ZC3H15: variants seen among roughly 807,000 people sequenced by gnomAD.
ZC3H15 encodes the protein zinc finger CCCH-type containing 15.
A neutral mutation model predicts 51.2 loss-of-function variants in ZC3H15; 15 were observed. The ratio of observed to expected loss-of-function variants is 0.29; its 90% CI spans 0.20 to 0.45. The LOEUF (loss-of-function observed/expected upper bound fraction) is 0.45. ZC3H15 is among the 20% of genes least tolerant of loss of function. The pLI is 1.00. For synonymous variants in ZC3H15, 144 were observed against 162.8 expected (o/e 0.88, Z 0.88); for missense variants, 381 against 494.7 (o/e 0.77, Z 2.18).
chr2:186,503,763 T>A lies in ZC3H15; in HGVS notation c.535-269T>A, dbSNP rs1574426876. Among the ~76,000 whole-genome samples the A allele has an allele frequency of 3.3e-5, 5 of 152,360 alleles. 1 individual carries two copies. The highest frequency in any genetic ancestry group is 3.3e-4 in the Admixed American group (5 of 15,302). ...GGGTAACTGAAACAAGTAAGTCATTTTCGTATGATTTAGAATTTAGAACAA... is the reference window on the plus strand; with the variant it reads ...GGGTAACTGAAACAAGTAAGTCATTATCGTATGATTTAGAATTTAGAACAA... On this transcript the variant is annotated intron_variant, in intron 5 of 9. Coordinates refer to ENST00000337859, the MANE Select transcript of ZC3H15 (RefSeq NM_018471.3).
chr2:186,495,283 T>G lies in ZC3H15; in HGVS notation c.126T>G (p.Phe42Leu). ...AGAAAGGAGCAAAGCAACAGAAGTT[T>G]ATCAAGGCTGTCACACATCAAGTTA... ...KNKKGAKQQK[F>L]IKAVTHQVKF... Residue 42 changes from phenylalanine (F) to leucine (L), a missense_variant, in exon 2 of 10, where the codon TTT becomes TTG. Around this residue, in one of 3 missense-constraint regions of ZC3H15, gnomAD observed 125 missense variants for 166.3 expected, o/e 0.75. Transcript: ENST00000337859. The G allele has an allele frequency of 6.4e-7, 1 of 1,558,128 alleles. No individual in the cohort carries two copies. Among genetic ancestry groups the G allele is most frequent in the South Asian group, 1.3e-5 (1 of 79,422 alleles).
In ZC3H15 at chr2:186,509,018, T is replaced by C. The variant is rs531226184; in HGVS notation, c.*285T>C. On this transcript the variant is annotated 3_prime_UTR_variant, in exon 10 of 10. Coordinates refer to ENST00000337859, the MANE Select transcript of ZC3H15 (RefSeq NM_018471.3). ...ACCCAAGTAAGAAGTGTATCTGCCT[T>C]TCCATCTTTTGGTTTTCATTTGGGC... is the stretch of plus-strand genomic sequence containing the variant. The C allele has an allele frequency of 1.9e-6, 1 of 526,382 alleles. No individual in the cohort carries two copies. Among genetic ancestry groups the C allele is most frequent in the Non-Finnish European group, 3.7e-6 (1 of 273,746 alleles). 32.6% of individuals were successfully genotyped at this position (526,382 alleles called of 1,614,324 possible).
chr2:186,506,790 T>C lies in ZC3H15; in HGVS notation c.1044T>C (p.Thr348=), dbSNP rs1267735929. 6 of 1,613,728 alleles carry C rather than the reference T, an allele frequency of 3.7e-6. No individual in the cohort carries two copies. The highest frequency in any genetic ancestry group is 5.1e-6 in the Non-Finnish European group (6 of 1,179,896). Residue 348 remains threonine, a synonymous_variant, in exon 9 of 10, where the codon ACT becomes ACC. Coordinates refer to ENST00000337859, the MANE Select transcript of ZC3H15 (RefSeq NM_018471.3). The part of the protein sequence containing the change: ...IPRDVDETGI[T]VASLERFSTY... Reference sequence around the variant, plus strand: ...GAGATGTAGATGAAACAGGTATTACTGTAGCCAGTCTTGAAAGATTCAGCA... The same window carrying C: ...GAGATGTAGATGAAACAGGTATTACCGTAGCCAGTCTTGAAAGATTCAGCA...
At chr2:186,505,429 A>C in intron 6 of ZC3H15, 22 bp from the exon 7 acceptor site, 17 of 1,515,340 alleles carry the variant, frequency 1.1e-5, no homozygotes, top group Non-Finnish European at 1.5e-5. Flanking sequence ...GTGGAAAAAA[A>C]ATTAATTCTT....
At chr2:186,492,674 C>T (rs1420786929) in intron 1 of ZC3H15, among the ~76,000 whole-genome samples, 2 of 152,142 alleles carry the variant, frequency 1.3e-5, no homozygotes, top group Non-Finnish European at 2.9e-5. Context: ...TTGCTGTAAA[C>T]ATTATGTCAT....
chr2:186,488,118 A>C (rs1685134682), intron 1 of ZC3H15, among the ~76,000 whole-genome samples: 1 of 152,126 alleles, frequency 6.6e-6, no homozygotes, highest in Admixed American at 6.5e-5. Flanking sequence ...CAAAGTGGTG[A>C]AATTAAGCCC....
chr2:186,505,279 C>T (rs990454455), intron 6 of ZC3H15, 172 bp from the exon 7 acceptor site: 5 of 528,208 alleles, frequency 9.5e-6, no homozygotes, highest in African/African-American at 2.0e-5. Context: ...TCTCTGGATA[C>T]TCATTTTGCT....
intron 1 of ZC3H15, among the ~76,000 whole-genome samples, chr2:186,494,759 G>A (rs1022560841): frequency 1.3e-5 from 2 of 152,046 alleles, no homozygotes; most frequent in Admixed American, 1.3e-4. Context: ...TCATAGGTGG[G>A]AATCGAACAA....
chr2:186,496,538 C>T (rs1217184441), intron 2 of ZC3H15, among the ~76,000 whole-genome samples: 1 of 152,212 alleles, frequency 6.6e-6, no homozygotes, highest in Non-Finnish European at 1.5e-5. Context: ...GCTGCTTACA[C>T]CAGCATCATT....
At chr2:186,505,706 T>C in intron 7 of ZC3H15, 34 bp from the exon 8 acceptor site, 2 of 1,607,286 alleles carry the variant, frequency 1.2e-6, no homozygotes, top group Non-Finnish European at 1.7e-6. Context: ...TTTAGATTTT[T>C]GTCCTGAGTT....
At chr2:186,506,218 TA>T in intron 8 of ZC3H15, 1 of 334,470 alleles carries the variant, frequency 3.0e-6, no homozygotes, top group South Asian at 2.7e-5. Flanking sequence ...TGCACTAATT[TA>T]AAACTGCAGT....
At chr2:186,492,463 A>G (rs1685215776) in intron 1 of ZC3H15, among the ~76,000 whole-genome samples, 1 of 152,228 alleles carries the variant, frequency 6.6e-6, no homozygotes, top group Non-Finnish European at 1.5e-5. Flanking sequence ...TAGAAAATTC[A>G]TGTAGAATTT....
chr2:186,491,584 A>G (rs1000154487), intron 1 of ZC3H15, among the ~76,000 whole-genome samples: 12 of 152,120 alleles, frequency 7.9e-5, no homozygotes, highest in African/African-American at 2.9e-4. Context: ...CTCACTTTAC[A>G]AATAAGAAAC....
At chr2:186,486,524 T>C in intron 1 of ZC3H15, 67 bp downstream of exon 1, 2 of 1,483,356 alleles carry the variant, frequency 1.3e-6, no homozygotes, top group Non-Finnish European at 1.8e-6. Flanking sequence ...CGCTCCGGGC[T>C]TCCCTGGGAG....
At position 186,505,535 on chromosome 2, in the gene ZC3H15, G is replaced by A. The variant is rs140763694; in HGVS notation, c.802G>A (p.Asp268Asn). ...GAAAAGGAAAAGACAAGAAAAGATT[G>A]ATAAACTTGAACAAGATATGGAAAG... The part of the protein sequence containing the change: ...WKKRKRQEKI[D>N]KLEQDMERRK... The change falls in exon 7 of 10, where the codon GAT (aspartate) becomes AAT (asparagine). Residue 268 changes from aspartate to asparagine, a missense_variant. Physicochemically the swap from Asp to Asn is conservative, Grantham distance 23. Coordinates refer to ENST00000337859, the MANE Select transcript of ZC3H15 (RefSeq NM_018471.3). 3.2e-3 allele frequency: 5,171 copies of A among 1,608,236 alleles called. 19 individuals are homozygous for A. Among genetic ancestry groups the A allele is most frequent in the Non-Finnish European group, 4.2e-3 (4,970 of 1,178,302 alleles).
At chr2:186,488,245 G>A (rs1685137202) in intron 1 of ZC3H15, among the ~76,000 whole-genome samples, 1 of 152,034 alleles carries the variant, frequency 6.6e-6, no homozygotes, top group Admixed American at 6.6e-5. Context: ...TGTGTTTTGA[G>A]GAATTTATTC....
intron 2 of ZC3H15, among the ~76,000 whole-genome samples, chr2:186,499,321 G>A (rs1291005111): frequency 1.3e-5 from 2 of 151,602 alleles, no homozygotes; most frequent in African/African-American, 4.8e-5. Flanking sequence ...AGAGAACTCT[G>A]TTCAAGCTAC....
Position 186,508,524 on chromosome 2 carries a change from T to C in ZC3H15, c.1091-19T>C. 1 of 1,611,644 alleles carries C rather than the reference T, an allele frequency of 6.2e-7. No homozygotes were observed. The highest frequency in any genetic ancestry group is 8.5e-7 in the Non-Finnish European group (1 of 1,178,382). On this transcript the variant is annotated intron_variant, in intron 9 of 9. Coordinates refer to ENST00000337859, the MANE Select transcript of ZC3H15 (RefSeq NM_018471.3). Reference sequence around the variant, plus strand: ...GTTTTCTGCTTCTACGCCTTACTGATTCCAGTTTTTATATTTAGAAAACAA... The same window carrying C: ...GTTTTCTGCTTCTACGCCTTACTGACTCCAGTTTTTATATTTAGAAAACAA...
chr2:186,488,396 C>G (rs191471651), intron 1 of ZC3H15, among the ~76,000 whole-genome samples: 126 of 152,300 alleles, frequency 8.3e-4, no homozygotes, highest in African/African-American at 3.0e-3. Context: ...TTTTACCACT[C>G]TAGGAACTCA....
Sources: allele counts gnomAD v4.1 joint callset (sites outside exome capture counted in the v4.1 genomes callset), GRCh38; gene constraint gnomAD v4.1.1; regional missense constraint gnomAD v4.1.1; transcripts MANE v1.5; gene names NCBI Gene and HGNC (gene_info 2026-07-23, HGNC 2026-07-21).